The following DCC variants were observed in gnomAD, a reference collection of about 807,000 sequenced individuals.
DCC encodes DCC netrin 1 receptor.
A neutral mutation model predicts 172.5 loss-of-function variants in DCC; 58 were observed. The observed-to-expected ratio is 0.34, with a 90% confidence interval of 0.27 to 0.42. The LOEUF (loss-of-function observed/expected upper bound fraction) is 0.42, where lower values mean the gene tolerates loss of function less well. DCC is among the 10% of genes least tolerant of loss of function. The pLI, the probability that DCC is intolerant of heterozygous loss-of-function variation, is 1.00. For missense variants in DCC, 1,740 were observed against 1,791.0 expected (o/e 0.97, Z 0.51); for synonymous variants, 709 against 644.5 (o/e 1.10, Z -1.52).
At chr18:52,625,377 C>T (rs981241398) in intron 1 of DCC, among the ~76,000 whole-genome samples, 10 of 152,090 alleles carry the variant, frequency 6.6e-5, no homozygotes, top group African/African-American at 2.4e-4. Flanking sequence ...TTCATTTATT[C>T]ACTCAACAAC....
intron 2 of DCC, among the ~76,000 whole-genome samples, chr18:52,825,517 T>C (rs62083312): frequency 0.026 from 3,938 of 152,280 alleles, 70 homozygotes; most frequent in Middle Eastern, 0.099. Context: ...ATTATAGTTA[T>C]ATAATTATAG....
intron 2 of DCC, among the ~76,000 whole-genome samples, chr18:52,793,668 G>T (rs1394764871): frequency 1.3e-5 from 2 of 152,088 alleles, no homozygotes; most frequent in Non-Finnish European, 2.9e-5. Context: ...ATCTATTTTG[G>T]TTTTGTTGCC....
chr18:53,397,272 T>C, intron 17 of DCC, 36 bp from the exon 18 acceptor site: 1 of 1,600,518 alleles, frequency 6.2e-7, no homozygotes, highest in East Asian at 2.2e-5. Flanking sequence ...TGATAGAGTT[T>C]ATTTTTTATC....
intron 7 of DCC, among the ~76,000 whole-genome samples, chr18:53,111,142 C>T (rs1355748988): frequency 2.7e-5 from 4 of 149,898 alleles, no homozygotes; most frequent in Non-Finnish European, 4.4e-5. Flanking sequence ...AGTAAGCTAT[C>T]GCAAGGACAA....
intron 1 of DCC, among the ~76,000 whole-genome samples, chr18:52,566,703 G>A (rs921733): frequency 0.98 from 148,404 of 152,196 alleles, 72,478 homozygotes; most frequent in Middle Eastern, 1. Context: ...GGGAAAACAA[G>A]ATTCACGAGA....
intron 7 of DCC, among the ~76,000 whole-genome samples, chr18:53,148,887 A>G (rs539715146): frequency 3.9e-4 from 21 of 53,788 alleles, no homozygotes; most frequent in African/African-American, 2.4e-3. Flanking sequence ...TTTTTTGGAC[A>G]AAGTCTCGCT....
At chr18:52,963,421 G>A (rs1332320584) in intron 5 of DCC, among the ~76,000 whole-genome samples, 2 of 152,014 alleles carry the variant, frequency 1.3e-5, no homozygotes, top group African/African-American at 4.8e-5. Context: ...AATGATAAAT[G>A]ATACTTCTAA....
chr18:52,934,856 A>C (rs2040358916), intron 5 of DCC: 1 of 152,282 alleles, frequency 6.6e-6, no homozygotes, highest in Non-Finnish European at 1.5e-5. Flanking sequence ...TCTGGAAGCC[A>C]GGGAGAGGAC....
At chr18:53,346,221 T>C (rs981328125) in intron 15 of DCC, among the ~76,000 whole-genome samples, 1 of 152,126 alleles carries the variant, frequency 6.6e-6, no homozygotes, top group African/African-American at 2.4e-5. Context: ...TTTTAAGACT[T>C]CTTTAAAATA....
intron 2 of DCC, chr18:52,754,290 A>C (rs2037043510): frequency 6.6e-6 from 1 of 152,198 alleles, no homozygotes; most frequent in African/African-American, 2.4e-5. Flanking sequence ...TGTAGCTTCA[A>C]ACCACTCTTC....
At chr18:53,118,458 A>G (rs1010725003) in intron 7 of DCC, among the ~76,000 whole-genome samples, 1 of 151,748 alleles carries the variant, frequency 6.6e-6, no homozygotes, top group African/African-American at 2.4e-5. Flanking sequence ...AATTTTAGAC[A>G]TGTAGGTTGC....
At chr18:52,852,216 T>C (rs1315851421) in intron 2 of DCC, among the ~76,000 whole-genome samples, 3 of 152,152 alleles carry the variant, frequency 2.0e-5, no homozygotes, top group Non-Finnish European at 4.4e-5. Flanking sequence ...TTTCTAGGAT[T>C]GGTACTATTA....
At chr18:53,165,189 G>T (rs2144421012) in intron 8 of DCC, among the ~76,000 whole-genome samples, 1 of 152,228 alleles carries the variant, frequency 6.6e-6, no homozygotes, top group Non-Finnish European at 1.5e-5. Flanking sequence ...CTCCAAGATA[G>T]CCCCTGACTT....
chr18:53,424,859 C>T (rs909572734), intron 21 of DCC, among the ~76,000 whole-genome samples: 2 of 152,168 alleles, frequency 1.3e-5, no homozygotes, highest in Non-Finnish European at 2.9e-5. Flanking sequence ...TCTCTCTGCT[C>T]TAATGTAGTA....
intron 5 of DCC, among the ~76,000 whole-genome samples, chr18:53,003,232 G>T (rs6508184): frequency 0.73 from 110,327 of 151,898 alleles, 40,215 homozygotes; most frequent in East Asian, 0.74. Context: ...CTAATTAGAA[G>T]GCTGCAAGAA....
intron 7 of DCC, among the ~76,000 whole-genome samples, chr18:53,131,952 G>GTTTTTTT (rs1568323077): frequency 1.5e-5 from 1 of 68,808 alleles, no homozygotes; most frequent in Non-Finnish European, 2.8e-5. Flanking sequence ...GTCTCTAAGT[G>GTTTTTTT]ATTTTTTTTT....
intron 1 of DCC, among the ~76,000 whole-genome samples, chr18:52,510,084 A>G (rs1410203210): frequency 6.6e-6 from 1 of 151,312 alleles, no homozygotes. Context: ...AGCCTGGGCA[A>G]TGAGAGCAAA....
chr18:53,330,890 C>T (rs1192154554), intron 14 of DCC, among the ~76,000 whole-genome samples: 1 of 152,210 alleles, frequency 6.6e-6, no homozygotes, highest in East Asian at 1.9e-4. Flanking sequence ...GAAACAAAGA[C>T]CATGCTTTGT....
At chr18:52,658,361 T>C (rs2035294396) in intron 1 of DCC, among the ~76,000 whole-genome samples, 2 of 152,308 alleles carry the variant, frequency 1.3e-5, no homozygotes, top group South Asian at 4.1e-4. Context: ...TTTTTTAAAA[T>C]AAATGATCAA....
Sources: allele counts gnomAD v4.1 joint callset (sites outside exome capture counted in the v4.1 genomes callset), GRCh38; gene constraint gnomAD v4.1.1; transcripts MANE v1.5; gene names NCBI Gene and HGNC (gene_info 2026-07-23, HGNC 2026-07-21).